Variants in DNM1L observed in about 807,000 individuals in gnomAD.
DNM1L encodes dynamin 1L.
DNM1L carries 33 observed loss-of-function variants against 92.8 expected under a neutral mutation model. The ratio of observed to expected loss-of-function variants is 0.36; its 90% CI spans 0.27 to 0.48. DNM1L has a LOEUF of 0.48. Ranked by LOEUF, DNM1L falls within the 20% of genes least tolerant of loss-of-function variation. The pLI is 0.99. For missense variants in DNM1L, 485 were observed against 888.8 expected, an observed-to-expected ratio of 0.55 and a Z score of 5.78; for synonymous variants, 284 against 305.0, an observed-to-expected ratio of 0.93 and a Z score of 0.72.
At chr12:32,713,436 G>T (rs1480895199) in intron 6 of DNM1L, 65 bp downstream of exon 6, 1 of 1,546,532 alleles carries the variant, frequency 6.5e-7, no homozygotes, top group Admixed American at 1.7e-5. Context: ...CTTGAGAAAG[G>T]AATTTTTCTC....
chr12:32,717,359 A>T (rs1312023808), intron 6 of DNM1L, among the ~76,000 whole-genome samples: 4 of 72,572 alleles, frequency 5.5e-5, no homozygotes, highest in Non-Finnish European at 7.5e-5. Context: ...TATATATAGT[A>T]TATATAATAT....
At chr12:32,724,593 A>AATATATAT (rs869170631) in intron 9 of DNM1L, among the ~76,000 whole-genome samples, 34 of 66,658 alleles carry the variant, frequency 5.1e-4, no homozygotes, top group East Asian at 2.6e-3. Context: ...AAAAAAAAAA[A>AATATATAT]ATATATATAT....
intron 1 of DNM1L, chr12:32,679,980 A>G (rs1269228931): frequency 1.0e-6 from 1 of 985,162 alleles, no homozygotes; most frequent in Admixed American, 6.2e-5. Flanking sequence ...AGGCTGAGAG[A>G]CGCTACGGTG....
chr12:32,699,673 A>G (rs1190387059), intron 1 of DNM1L, among the ~76,000 whole-genome samples: 2 of 152,008 alleles, frequency 1.3e-5, no homozygotes, highest in African/African-American at 2.4e-5. Flanking sequence ...ACACGCCTGT[A>G]ATCTCAGCTA....
In DNM1L at chr12:32,731,353, C is replaced by T; in HGVS notation, c.1201-3C>T. On this transcript the variant is annotated splice_polypyrimidine_tract_variant and splice_region_variant and intron_variant, in intron 10 of 19. Coordinates refer to ENST00000549701, the MANE Select transcript of DNM1L (RefSeq NM_012062.5). The surrounding 1 kb of genome is among the most constrained non-coding windows in gnomAD (Gnocchi z 5.1). ...ATAAGAGTTCTAAGTTTTATTTTCT[C>T]AGGGTCCTCGTCCTGCTTTATTTGT... is the stretch of plus-strand genomic sequence containing the variant. The T allele has an allele frequency of 1.2e-6, 2 of 1,614,140 alleles. No homozygotes were observed. The highest frequency in any genetic ancestry group is 1.7e-6 in the Non-Finnish European group (2 of 1,180,032).
chr12:32,680,039 A>T (rs1951749554), intron 1 of DNM1L: 1 of 978,746 alleles, frequency 1.0e-6, no homozygotes, highest in Non-Finnish European at 1.2e-6. Flanking sequence ...GGTTTCGAGA[A>T]CGCCGAAGCA....
intron 16 of DNM1L, among the ~76,000 whole-genome samples, chr12:32,738,958 T>G (rs537522553): frequency 6.6e-6 from 1 of 152,302 alleles, no homozygotes; most frequent in East Asian, 1.9e-4. Flanking sequence ...AATCAAACCA[T>G]CTAAATCACT....
At chr12:32,702,353 C>T (rs74073091) in intron 2 of DNM1L, among the ~76,000 whole-genome samples, 23,405 of 151,556 alleles carry the variant, frequency 0.15, 1,908 homozygotes, top group Middle Eastern at 0.21. Context: ...AAGTTGCTTA[C>T]CAAATATGTA....
At chr12:32,740,271 A>C (rs368997913) in intron 17 of DNM1L, 31 bp downstream of exon 17, 24 of 1,614,066 alleles carry the variant, frequency 1.5e-5, no homozygotes, top group Non-Finnish European at 1.9e-5. Flanking sequence ...TTAGGTAATA[A>C]GGTAGGTGAC....
intron 6 of DNM1L, 81 bp from the exon 7 acceptor site, chr12:32,718,562 C>T (rs1953658405): frequency 6.3e-7 from 1 of 1,580,282 alleles, no homozygotes. Flanking sequence ...TGAGGGTTTT[C>T]CTTTATTAAC....
At chr12:32,685,233 G>A (rs549198624) in intron 1 of DNM1L, among the ~76,000 whole-genome samples, 3 of 151,176 alleles carry the variant, frequency 2.0e-5, no homozygotes, top group Non-Finnish European at 4.4e-5. Flanking sequence ...CACCGCGCCC[G>A]GTCAGTGAAT....
intron 2 of DNM1L, chr12:32,705,882 CT>C: frequency 1.3e-6 from 2 of 1,596,116 alleles, no homozygotes. Context: ...TATCCATTTG[CT>C]TTTGACCCTT....
intron 1 of DNM1L, among the ~76,000 whole-genome samples, chr12:32,694,974 T>G (rs1368075821): frequency 6.6e-6 from 1 of 152,144 alleles, no homozygotes; most frequent in African/African-American, 2.4e-5. Flanking sequence ...CTGAAGGGAC[T>G]AGCGCTCCTT....
chr12:32,723,046 C>T (rs1253902289), intron 9 of DNM1L, among the ~76,000 whole-genome samples: 3 of 151,766 alleles, frequency 2.0e-5, no homozygotes, highest in African/African-American at 7.3e-5. Context: ...TGGTGTGCAC[C>T]TGTAGTCCCA....
At chr12:32,712,268 A>G (rs2137366277) in intron 5 of DNM1L, among the ~76,000 whole-genome samples, 1 of 152,238 alleles carries the variant, frequency 6.6e-6, no homozygotes, top group African/African-American at 2.4e-5. Context: ...CAGAGGTCTA[A>G]AATATCTACT....
rs147158807 is a variant in DNM1L, at chr12:32,722,451, T to C, written c.897T>C (p.Asp299=). The C allele has an allele frequency of 1.2e-6, 2 of 1,612,666 alleles. No individual in the cohort carries two copies. The highest frequency in any genetic ancestry group is 1.7e-6 in the Non-Finnish European group (2 of 1,179,938). Residue 299 remains aspartate (D), a synonymous_variant, in exon 9 of 20, where the codon GAT becomes GAC. Transcript: ENST00000549701. ...GGTTACTGATGCATCACATCAGAGA[T>C]TGTTTACCAGAGTTGAAAACAAGAA... ...LNRLLMHHIR[D]CLPELKTRIN... is the part of the protein sequence containing the mutation.
chr12:32,702,477 C>T (rs1337067745), intron 2 of DNM1L, among the ~76,000 whole-genome samples: 2 of 152,102 alleles, frequency 1.3e-5, no homozygotes, highest in Admixed American at 6.5e-5. Flanking sequence ...TTATAGAACT[C>T]TGTAACATAG....
In DNM1L at chr12:32,731,075, G is replaced by A. The variant is rs1954522309; in HGVS notation, c.1141G>A (p.Val381Ile). 4.3e-6 allele frequency: 7 copies of A among 1,613,916 alleles called. No individual in the cohort carries two copies. Among genetic ancestry groups the A allele is most frequent in the Non-Finnish European group, 5.1e-6 (6 of 1,179,984 alleles). Residue 381 changes from valine to isoleucine, a missense_variant, in exon 10 of 20, where the codon GTT (valine) becomes ATT (isoleucine). This residue lies in a region of DNM1L where 19 missense variants were observed against 22.1 expected (regional missense o/e 0.86). Coordinates refer to ENST00000549701, the MANE Select transcript of DNM1L (RefSeq NM_012062.5). The surrounding 1 kb of genome is among the most constrained non-coding windows in gnomAD (Gnocchi z 5.1). ...GACTTTTGGGCGAACCTTAGAATCTGTTGATCCACTTGGTGGCCTTAACAC... is the reference window on the plus strand; with the variant it reads ...GACTTTTGGGCGAACCTTAGAATCTATTGATCCACTTGGTGGCCTTAACAC... ...HETFGRTLES[V>I]DPLGGLNTID...
chr12:32,737,544 T>TTA (rs1213279319), intron 14 of DNM1L: 14 of 393,208 alleles, frequency 3.6e-5, no homozygotes, highest in Non-Finnish European at 6.5e-5. Flanking sequence ...CTAGTAATAA[T>TTA]TAAAATAGTT....
Sources: allele counts gnomAD v4.1 joint callset (sites outside exome capture counted in the v4.1 genomes callset), GRCh38; gene constraint gnomAD v4.1.1; regional missense constraint gnomAD v4.1.1; non-coding constraint Gnocchi (gnomAD v3.1); transcripts MANE v1.5; gene names NCBI Gene and HGNC (gene_info 2026-07-23, HGNC 2026-07-21).